Variants in GALNT14 observed in about 807,000 individuals in gnomAD.
GALNT14 encodes the protein UDP-GalNAc:polypeptide N-acetylgalactosaminyltransferase 14.
Under a neutral mutation model 77.5 loss-of-function variants are expected in GALNT14, and 60 were observed. The ratio of observed to expected loss-of-function variants is 0.77; its 90% CI spans 0.63 to 0.96. GALNT14 has a LOEUF of 0.96. GALNT14 is among the 40% of genes least tolerant of loss of function. GALNT14 has a pLI of 0.00. For missense variants in GALNT14, 710 were observed against 731.0 expected (o/e 0.97, Z 0.33); for synonymous variants, 280 against 281.7 (o/e 0.99, Z 0.06).
chr2:30,933,705 A>G (rs1665884897), intron 9 of GALNT14, among the ~76,000 whole-genome samples: 1 of 152,188 alleles, frequency 6.6e-6, no homozygotes, highest in Non-Finnish European at 1.5e-5. Flanking sequence ...TGGCAATAAC[A>G]TGGGGGAAAG....
chr2:31,063,553 G>A (rs1674737907), intron 1 of GALNT14, among the ~76,000 whole-genome samples: 1 of 152,098 alleles, frequency 6.6e-6, no homozygotes, highest in Non-Finnish European at 1.5e-5. Context: ...GCTCCTTTTT[G>A]GTTCCATATG....
At chr2:30,933,328 G>T (rs1359892381) in intron 9 of GALNT14, among the ~76,000 whole-genome samples, 1 of 152,182 alleles carries the variant, frequency 6.6e-6, no homozygotes, top group African/African-American at 2.4e-5. Flanking sequence ...TGCTTCTGAA[G>T]TCGAGCCCAA....
intron 1 of GALNT14, among the ~76,000 whole-genome samples, chr2:31,041,890 G>T (rs1673115485): frequency 6.6e-6 from 1 of 152,182 alleles, no homozygotes; most frequent in Non-Finnish European, 1.5e-5. Flanking sequence ...GAGCCATGCT[G>T]AGGGGACAAT....
At chr2:30,987,719 TCCC>T (rs1669396190) in intron 2 of GALNT14, among the ~76,000 whole-genome samples, 1 of 38,628 alleles carries the variant, frequency 2.6e-5, no homozygotes, top group Non-Finnish European at 5.7e-5. Flanking sequence ...CTCCCCCTCC[TCCC>T]CCTCCTCCCC....
intron 1 of GALNT14, among the ~76,000 whole-genome samples, chr2:31,031,506 C>A (rs1225764415): frequency 2.6e-5 from 4 of 152,038 alleles, no homozygotes; most frequent in African/African-American, 4.8e-5. Context: ...TTTGCATGGC[C>A]ATGCAAATCC....
chr2:30,943,221 CT>C (rs1666486928), intron 8 of GALNT14, among the ~76,000 whole-genome samples: 1 of 152,068 alleles, frequency 6.6e-6, no homozygotes, highest in South Asian at 2.1e-4. Context: ...TATTTTTTTC[CT>C]TTTCTTCGTC....
At chr2:30,992,742 C>T in intron 2 of GALNT14, 96 bp downstream of exon 2, 4 of 1,399,586 alleles carry the variant, frequency 2.9e-6, no homozygotes, top group Non-Finnish European at 4.0e-6. Flanking sequence ...CAGCCCGGTT[C>T]TTAGCACTGG....
intron 1 of GALNT14, chr2:31,125,063 T>C: frequency 1.1e-6 from 1 of 887,504 alleles, no homozygotes; most frequent in Non-Finnish European, 1.8e-6. Context: ...CCAGGAGCTC[T>C]GGCAGATCAT....
intron 10 of GALNT14, among the ~76,000 whole-genome samples, chr2:30,931,310 A>C (rs1665711622): frequency 6.6e-6 from 1 of 152,202 alleles, no homozygotes; most frequent in African/African-American, 2.4e-5. Flanking sequence ...GTGGAGGAGA[A>C]GCTATCAGAT....
At chr2:30,921,003 C>T (rs1183423223) in intron 13 of GALNT14, among the ~76,000 whole-genome samples, 2 of 152,316 alleles carry the variant, frequency 1.3e-5, no homozygotes, top group Admixed American at 1.3e-4. Context: ...AGAGAAGATG[C>T]TTTACTCACC....
chr2:30,931,930 C>G (rs1041313070), intron 10 of GALNT14, 138 bp downstream of exon 10: 1 of 801,748 alleles, frequency 1.2e-6, no homozygotes, highest in Admixed American at 4.2e-5. Flanking sequence ...CTGGGTAGTA[C>G]GAGGTGCAGC....
chr2:30,953,451 G>C (rs1269535047), intron 6 of GALNT14, among the ~76,000 whole-genome samples: 1 of 151,908 alleles, frequency 6.6e-6, no homozygotes, highest in Non-Finnish European at 1.5e-5. Context: ...TGGGACTACA[G>C]GTGCGTGCCA....
chr2:31,007,530 G>T (rs1025874289), intron 1 of GALNT14, among the ~76,000 whole-genome samples: 1 of 152,166 alleles, frequency 6.6e-6, no homozygotes, highest in East Asian at 1.9e-4. Context: ...AAGGATGTAA[G>T]GTGTTAGAGT....
intron 2 of GALNT14, among the ~76,000 whole-genome samples, chr2:30,970,595 T>C (rs1668288561): frequency 6.6e-6 from 1 of 151,964 alleles, no homozygotes; most frequent in Non-Finnish European, 1.5e-5. Flanking sequence ...GACGACGCAG[T>C]TAAACCTCCT....
At chr2:31,057,285 A>G (rs942417429) in intron 1 of GALNT14, among the ~76,000 whole-genome samples, 1 of 131,518 alleles carries the variant, frequency 7.6e-6, no homozygotes, top group African/African-American at 2.8e-5. Flanking sequence ...GAATCTAAAA[A>G]GTTGAAATTA....
chr2:30,985,123 G>A (rs1041262769), intron 2 of GALNT14, among the ~76,000 whole-genome samples: 1 of 149,084 alleles, frequency 6.7e-6, no homozygotes. Flanking sequence ...ATAAATGTGT[G>A]GAGTAAAGGA....
At chr2:30,966,369 C>T (rs1668008234) in intron 2 of GALNT14, 67 bp from the exon 3 acceptor site, 10 of 1,214,558 alleles carry the variant, frequency 8.2e-6, no homozygotes, top group Admixed American at 1.8e-5. Context: ...GGGCTAGAAC[C>T]GAGGGCATCT....
chr2:31,050,568 C>A (rs1028265213), intron 1 of GALNT14, among the ~76,000 whole-genome samples: 12 of 152,054 alleles, frequency 7.9e-5, no homozygotes, highest in African/African-American at 2.7e-4. Flanking sequence ...AAAGGGGCAT[C>A]AGGAGGAAAA....
At chr2:30,915,309 C>T (rs1035014654) in intron 13 of GALNT14, among the ~76,000 whole-genome samples, 6 of 152,054 alleles carry the variant, frequency 3.9e-5, no homozygotes, top group African/African-American at 7.2e-5. Flanking sequence ...GTCCCCAGGC[C>T]GGGACTTGAT....
Sources: allele counts gnomAD v4.1 joint callset (sites outside exome capture counted in the v4.1 genomes callset), GRCh38; gene constraint gnomAD v4.1.1; transcripts MANE v1.5; gene names NCBI Gene and HGNC (gene_info 2026-07-23, HGNC 2026-07-21).